Variants in SDC2 observed in about 807,000 individuals in gnomAD.
SDC2 encodes the protein syndecan 2, also known as syndecan-2.
SDC2 carries 13 observed loss-of-function variants against 22.2 expected under a neutral mutation model. The ratio of observed to expected loss-of-function variants is 0.59; its 90% CI spans 0.38 to 0.93. The LOEUF (loss-of-function observed/expected upper bound fraction) is 0.93. SDC2 is among the 40% of genes least tolerant of loss of function. The pLI is 0.00. For synonymous variants in SDC2, 94 were observed against 92.8 expected, an observed-to-expected ratio of 1.01 and a Z score of -0.07; for missense variants, 235 against 246.8, an observed-to-expected ratio of 0.95 and a Z score of 0.32.
intron 1 of SDC2, among the ~76,000 whole-genome samples, chr8:96,554,601 GT>G (rs1814079786): frequency 6.6e-6 from 1 of 152,154 alleles, no homozygotes; most frequent in African/African-American, 2.4e-5. Flanking sequence ...CGAGTGAGGT[GT>G]TCTTATCATC....
intron 1 of SDC2, among the ~76,000 whole-genome samples, chr8:96,510,635 C>T (rs1586271800): frequency 6.6e-6 from 1 of 152,204 alleles, no homozygotes. Context: ...GCTGACCCTA[C>T]TGCCACTCAA....
chr8:96,577,482 C>A (rs1027628694), intron 1 of SDC2, among the ~76,000 whole-genome samples: 3 of 151,560 alleles, frequency 2.0e-5, no homozygotes, highest in Non-Finnish European at 4.4e-5. Flanking sequence ...TTCCATATAC[C>A]CCCCATGCAT....
chr8:96,538,672 G>A (rs1292131933), intron 1 of SDC2: 1 of 152,242 alleles, frequency 6.6e-6, no homozygotes, highest in African/African-American at 2.4e-5. Flanking sequence ...AACTTCTTCA[G>A]TAACCCATGC....
intron 1 of SDC2, among the ~76,000 whole-genome samples, chr8:96,533,955 C>G (rs186068535): frequency 6.6e-6 from 1 of 152,154 alleles, no homozygotes; most frequent in East Asian, 1.9e-4. Flanking sequence ...CCCTGCCCCG[C>G]GGGGAGGCAG....
At chr8:96,565,022 G>T (rs193249837) in intron 1 of SDC2, among the ~76,000 whole-genome samples, 1 of 147,348 alleles carries the variant, frequency 6.8e-6, no homozygotes, top group Non-Finnish European at 1.5e-5. Flanking sequence ...GGAAGGGAAA[G>T]TAATTTTTAG....
intron 1 of SDC2, among the ~76,000 whole-genome samples, chr8:96,561,528 T>G (rs995837414): frequency 2.0e-5 from 3 of 152,218 alleles, no homozygotes; most frequent in African/African-American, 7.2e-5. Flanking sequence ...TGATTGAGTT[T>G]ATTCTCCAGA....
intron 1 of SDC2, among the ~76,000 whole-genome samples, chr8:96,513,678 C>T (rs115091012): frequency 0.011 from 1,689 of 152,234 alleles, 20 homozygotes; most frequent in African/African-American, 0.038. Context: ...AAAGATGTAA[C>T]GTCATGACTT....
intron 1 of SDC2, among the ~76,000 whole-genome samples, chr8:96,587,738 G>A (rs1257109506): frequency 1.3e-5 from 2 of 152,078 alleles, no homozygotes; most frequent in Non-Finnish European, 2.9e-5. Flanking sequence ...CGATATTCTG[G>A]GGGGAGAATT....
chr8:96,499,174 C>T (rs184689293), intron 1 of SDC2, among the ~76,000 whole-genome samples: 6 of 152,352 alleles, frequency 3.9e-5, no homozygotes, highest in Admixed American at 2.6e-4. Flanking sequence ...CAGTGTTTCT[C>T]CTTTTAAATG....
intron 1 of SDC2, among the ~76,000 whole-genome samples, chr8:96,590,217 A>T (rs1334867144): frequency 1.3e-5 from 2 of 152,084 alleles, no homozygotes; most frequent in Non-Finnish European, 2.9e-5. Context: ...CCCAGCTTGT[A>T]CTCTGGACCC....
chr8:96,555,254 A>G (rs945926467), intron 1 of SDC2, among the ~76,000 whole-genome samples: 2 of 152,130 alleles, frequency 1.3e-5, no homozygotes, highest in African/African-American at 4.8e-5. Flanking sequence ...TGGATGGATG[A>G]AAGAATGAAT....
intron 1 of SDC2, among the ~76,000 whole-genome samples, chr8:96,573,891 A>C (rs928599157): frequency 6.6e-6 from 1 of 151,906 alleles, no homozygotes; most frequent in Non-Finnish European, 1.5e-5. Flanking sequence ...TCTTAGTCTT[A>C]TTTCACCTAT....
At chr8:96,576,516 T>G in intron 1 of SDC2, among the ~76,000 whole-genome samples, 1 of 100,098 alleles carries the variant, frequency 1.0e-5, no homozygotes, top group African/African-American at 3.3e-5. Context: ...GCCTCCCGGA[T>G]TCATGCCATT....
intron 1 of SDC2, among the ~76,000 whole-genome samples, chr8:96,593,113 C>T (rs906872352): frequency 6.6e-6 from 1 of 152,196 alleles, no homozygotes; most frequent in Admixed American, 6.5e-5. Flanking sequence ...TGTTCCCTTT[C>T]CAGTAAGGGA....
intron 1 of SDC2, among the ~76,000 whole-genome samples, chr8:96,530,859 T>C (rs1813650657): frequency 6.6e-6 from 1 of 152,228 alleles, no homozygotes; most frequent in South Asian, 2.1e-4. Flanking sequence ...CCTTAAAATC[T>C]CGGGAAGACT....
In SDC2 at chr8:96,501,295, C is replaced by CTTTTTTTT. The variant is rs35998270; in HGVS notation, c.60+6986_60+6993dup. On this transcript the variant is annotated intron_variant, in intron 1 of 4. Coordinates refer to ENST00000302190, the MANE Select transcript of SDC2 (RefSeq NM_002998.4). ...TAAGGGAAAAGTTAAATACGTATTTCTTTTTTTTTTTTTTTTTTTTTTTTT... is the reference window on the plus strand; with the variant it reads ...TAAGGGAAAAGTTAAATACGTATTTCTTTTTTTTTTTTTTTTTTTTTTTTTTTTTTTTT... Among the ~76,000 whole-genome samples the CTTTTTTTT allele has an allele frequency of 9.6e-4, 53 of 55,164 alleles. 1 individual carries two copies. The highest frequency in any genetic ancestry group is 1.1e-3 in the Non-Finnish European group (32 of 28,912). The allele number at this position is 55,164 out of a possible 152,430, so 36.2% of individuals were successfully genotyped here. A position where few individuals can be genotyped will look rare whatever the true frequency, so the allele number is the denominator to read the frequency against.
At chr8:96,580,335 G>A (rs1332721536) in intron 1 of SDC2, 1 of 968,000 alleles carries the variant, frequency 1.0e-6, no homozygotes, top group Non-Finnish European at 1.2e-6. Context: ...AGCAGGAAGG[G>A]AGAGTCAGAG....
rs1445953062 is a variant in SDC2, at chr8:96,608,314, T to C, written c.307-21T>C. The C allele has an allele frequency of 6.2e-6, 10 of 1,606,874 alleles. No individual in the cohort carries two copies. The Middle Eastern group carries it at 8.3e-4, about 133-fold the overall frequency. ...CACATTTCCTTAAATCAATGTAATC[T>C]TTCCCTGTTTCCCATACCAGTCACC... is the stretch of plus-strand genomic sequence containing the variant. On this transcript the variant is annotated intron_variant, in intron 3 of 4. Coordinates refer to ENST00000302190, the MANE Select transcript of SDC2 (RefSeq NM_002998.4).
At chr8:96,593,419 G>T (rs974289321) in intron 1 of SDC2, 61 bp from the exon 2 acceptor site, 4 of 1,108,074 alleles carry the variant, frequency 3.6e-6, no homozygotes, top group East Asian at 2.4e-5. Context: ...TGAACAATCA[G>T]ATATACAAGT....
Sources: allele counts gnomAD v4.1 joint callset (sites outside exome capture counted in the v4.1 genomes callset), GRCh38; gene constraint gnomAD v4.1.1; transcripts MANE v1.5; gene names NCBI Gene and HGNC (gene_info 2026-07-23, HGNC 2026-07-21).